Variants in CADM2 observed in about 807,000 individuals in gnomAD.
CADM2 encodes immunoglobulin superfamily member 4D.
In CADM2, 12 loss-of-function variants were observed where a neutral mutation model predicts 49.8. The ratio of observed to expected loss-of-function variants is 0.24; its 90% confidence interval spans 0.15 to 0.39. The LOEUF (loss-of-function observed/expected upper bound fraction) is 0.39. CADM2 is among the 10% of genes least tolerant of loss of function. The pLI, the probability that CADM2 is intolerant of heterozygous loss-of-function variation, is 1.00. For missense variants in CADM2, 378 were observed against 492.3 expected (o/e 0.77, Z 2.20); for synonymous variants, 214 against 175.4 (o/e 1.22, Z -1.74).
At chr3:85,482,409 GCC>G (rs1359104725) in intron 1 of CADM2, among the ~76,000 whole-genome samples, 4 of 151,648 alleles carry the variant, frequency 2.6e-5, no homozygotes, top group Non-Finnish European at 4.4e-5. Flanking sequence ...AATAATTAAA[GCC>G]ATTTTTTAGT....
At chr3:85,392,700 C>T (rs1182629772) in intron 1 of CADM2, among the ~76,000 whole-genome samples, 1 of 152,010 alleles carries the variant, frequency 6.6e-6, no homozygotes, top group East Asian at 1.9e-4. Flanking sequence ...TTTCTGGACT[C>T]AAAATTCTAT....
chr3:85,613,583 G>A (rs2063730691), intron 1 of CADM2, among the ~76,000 whole-genome samples: 1 of 151,478 alleles, frequency 6.6e-6, no homozygotes, highest in African/African-American at 2.4e-5. Flanking sequence ...GGTTCACGAG[G>A]CAGAATTTTG....
At chr3:85,694,071 A>C (rs73147217) in intron 1 of CADM2, among the ~76,000 whole-genome samples, 55,331 of 151,910 alleles carry the variant, frequency 0.36, 10,572 homozygotes, top group Non-Finnish European at 0.41. Context: ...ACTTTTTAGC[A>C]CTTTTTAAAG....
chr3:85,047,274 T>G (rs2107389003), intron 1 of CADM2, among the ~76,000 whole-genome samples: 1 of 152,200 alleles, frequency 6.6e-6, no homozygotes, highest in Non-Finnish European at 1.5e-5. Context: ...CACACCACAT[T>G]TTTGTCCTTC....
At chr3:85,383,518 A>G (rs1027580111) in intron 1 of CADM2, among the ~76,000 whole-genome samples, 13 of 73,602 alleles carry the variant, frequency 1.8e-4, no homozygotes, top group African/African-American at 7.4e-4. Flanking sequence ...ATATATATGT[A>G]TATATATATA....
At chr3:85,852,081 C>A (rs1417849204) in intron 3 of CADM2, among the ~76,000 whole-genome samples, 1 of 152,062 alleles carries the variant, frequency 6.6e-6, no homozygotes, top group Admixed American at 6.5e-5. Context: ...AATAACTGTT[C>A]TTTCCATCCA....
At chr3:84,983,676 C>T (rs1338839165) in intron 1 of CADM2, among the ~76,000 whole-genome samples, 2 of 152,082 alleles carry the variant, frequency 1.3e-5, no homozygotes, top group African/African-American at 4.8e-5. Context: ...TTATTGATGA[C>T]TAGACACCTG....
At position 85,009,966 on chromosome 3, in the gene CADM2, C is replaced by T. The variant is rs192120833; in HGVS notation, c.61+50298C>T. 1.2e-3 allele frequency among the ~76,000 whole-genome samples: 175 copies of T among 151,628 alleles called. 2 individuals are homozygous for T. The highest frequency in any genetic ancestry group is 1.2e-3 in the Admixed American group (19 of 15,214). On this transcript the variant is annotated intron_variant, in intron 1 of 9. Coordinates refer to ENST00000383699, the MANE Select transcript of CADM2 (RefSeq NM_001167675.2). ...TAAATAAGATAAAGGATATTATATA[C>T]GTTATTTCAACTCCCAAAATGTCAT...
intron 1 of CADM2, among the ~76,000 whole-genome samples, chr3:85,585,510 CT>C (rs2062916777): frequency 6.6e-6 from 1 of 151,582 alleles, no homozygotes; most frequent in Non-Finnish European, 1.5e-5. Flanking sequence ...GCTGGTTTTG[CT>C]GTTTCATCTC....
intron 1 of CADM2, among the ~76,000 whole-genome samples, chr3:85,160,530 A>G (rs1271787167): frequency 6.6e-6 from 1 of 152,124 alleles, no homozygotes; most frequent in Non-Finnish European, 1.5e-5. Flanking sequence ...TGTTGCTCAT[A>G]TTGTAGGTTT....
chr3:85,932,608 G>A (rs369049297), intron 6 of CADM2, among the ~76,000 whole-genome samples: 1 of 152,106 alleles, frequency 6.6e-6, no homozygotes, highest in East Asian at 1.9e-4. Context: ...AGTTGAACCA[G>A]GAGTATATGT....
At chr3:85,842,295 C>T (rs1333429075) in intron 3 of CADM2, among the ~76,000 whole-genome samples, 1 of 152,104 alleles carries the variant, frequency 6.6e-6, no homozygotes, top group African/African-American at 2.4e-5. Context: ...ATGGCTGAGG[C>T]TGGCAGCCTC....
At chr3:85,356,256 T>C (rs1020437728) in intron 1 of CADM2, among the ~76,000 whole-genome samples, 1 of 152,028 alleles carries the variant, frequency 6.6e-6, no homozygotes, top group African/African-American at 2.4e-5. Context: ...GTATGACTAG[T>C]TGCATTCTAC....
chr3:85,861,499 A>G (rs956945589), intron 3 of CADM2, among the ~76,000 whole-genome samples: 5 of 152,184 alleles, frequency 3.3e-5, no homozygotes, highest in African/African-American at 2.4e-5. Context: ...TCTGTTTTAA[A>G]CATGTTAAAT....
intron 1 of CADM2, among the ~76,000 whole-genome samples, chr3:84,981,343 A>G (rs925025237): frequency 1.3e-5 from 2 of 152,070 alleles, no homozygotes; most frequent in African/African-American, 4.8e-5. Flanking sequence ...AGGATATACC[A>G]TAGTCTTCCA....
chr3:85,668,705 A>G (rs920894539), intron 1 of CADM2, among the ~76,000 whole-genome samples: 13 of 152,098 alleles, frequency 8.5e-5, no homozygotes, highest in African/African-American at 2.4e-4. Flanking sequence ...CTCCAGCCCT[A>G]TGGAACTGTA....
chr3:85,444,729 T>C (rs994079222), intron 1 of CADM2, among the ~76,000 whole-genome samples: 2 of 152,164 alleles, frequency 1.3e-5, no homozygotes, highest in African/African-American at 2.4e-5. Context: ...ACTCTGAATT[T>C]TAGAAAATAA....
chr3:85,175,681 T>C (rs2040763418), intron 1 of CADM2, among the ~76,000 whole-genome samples: 1 of 152,070 alleles, frequency 6.6e-6, no homozygotes, highest in Non-Finnish European at 1.5e-5. Context: ...GTGACAACAA[T>C]GCGATGTTTT....
chr3:85,888,983 A>G (rs1208738140), intron 5 of CADM2, among the ~76,000 whole-genome samples: 4 of 152,180 alleles, frequency 2.6e-5, no homozygotes, highest in African/African-American at 4.8e-5. Context: ...AATAAGGCAA[A>G]CAGAAAAGAC....
Sources: gnomAD v4.1 joint callset for allele counts (sites outside exome capture counted in the v4.1 genomes callset) on GRCh38, gnomAD v4.1.1 for gene constraint, MANE v1.5 for transcripts, NCBI Gene and HGNC (gene_info 2026-07-23, HGNC 2026-07-21) for gene names.